The following ME2 variants were observed in gnomAD, a reference collection of about 807,000 sequenced individuals.
ME2 encodes malic enzyme 2, also known as NAD-dependent malic enzyme, mitochondrial.
ME2 carries 60 observed loss-of-function variants against 73.7 expected under a neutral mutation model. That is an observed-to-expected ratio of 0.81 (90% CI 0.66 to 1.01). The LOEUF (loss-of-function observed/expected upper bound fraction) is 1.01. Ranked by LOEUF, ME2 falls within the 50% of genes least tolerant of loss-of-function variation. The pLI is 0.00. For missense variants in ME2, 594 were observed against 705.5 expected (o/e 0.84, Z 1.79); for synonymous variants, 199 against 236.9 (o/e 0.84, Z 1.47).
In ME2 at chr18:50,894,269, A is replaced by C. The variant is rs80151462; in HGVS notation, c.-12-1540A>C. Among the ~76,000 whole-genome samples, 439 of 152,358 alleles carry C rather than the reference A, an allele frequency of 2.9e-3. 3 individuals are homozygous for C. Among genetic ancestry groups the C allele is most frequent in the African/African-American group, 0.01 (417 of 41,584 alleles). ...ATAAATGATCAAGCAACACATTTAAAACATCCCTTTTTGGCCGGGCGCGGT... is the reference window on the plus strand; with the variant it reads ...ATAAATGATCAAGCAACACATTTAACACATCCCTTTTTGGCCGGGCGCGGT... On this transcript the variant is annotated intron_variant, in intron 1 of 15. Coordinates refer to ENST00000321341, the MANE Select transcript of ME2 (RefSeq NM_002396.5).
Position 50,925,767 on chromosome 18 carries a change from G to T in ME2, c.1183G>T (p.Ala395Ser), listed in dbSNP as rs773081066. Reference sequence around the variant, plus strand: ...CTTACTTATTACAGGAGTTGCAGGTGCTGGCCGTCTTTTCACTCCTGATGT... The same window carrying T: ...CTTACTTATTACAGGAGTTGCAGGTTCTGGCCGTCTTTTCACTCCTGATGT... ...KPSTIIGVAG[A>S]GRLFTPDVIR... Residue 395 changes from alanine (A) to serine (S), a missense_variant, in exon 12 of 16, where the codon GCT becomes TCT. Ala to Ser is a moderately conservative substitution (Grantham distance 99). Coordinates refer to ENST00000321341, the MANE Select transcript of ME2 (RefSeq NM_002396.5). 2.5e-6 allele frequency: 4 copies of T among 1,613,854 alleles called. No individual in the cohort carries two copies. Among genetic ancestry groups the T allele is most frequent in the Non-Finnish European group, 3.4e-6 (4 of 1,179,856 alleles).
chr18:50,888,436 A>C (rs546108379), intron 1 of ME2, among the ~76,000 whole-genome samples: 1 of 152,320 alleles, frequency 6.6e-6, no homozygotes, highest in African/African-American at 2.4e-5. Context: ...CATTTATGAA[A>C]CAAAAACAAC....
chr18:50,939,751 G>A lies in ME2; in HGVS notation c.1488+111G>A. 5 of 665,784 alleles carry A rather than the reference G, an allele frequency of 7.5e-6. No individual in the cohort carries two copies. In the South Asian group the frequency reaches 9.3e-5, roughly 12 times the overall value. The allele number at this position is 665,784 out of a possible 1,614,324, so 41.2% of individuals were successfully genotyped here. On this transcript the variant is annotated intron_variant, in intron 14 of 15. Transcript: ENST00000321341. ...GTTAAATCTGCCTTATTAATGAAAA[G>A]GAAGTTACTCAAATTACTTTTATGA...
At position 50,949,084 on chromosome 18, in the gene ME2, C is replaced by G. The variant is rs1401324804; in HGVS notation, c.*1900C>G. On this transcript the variant is annotated 3_prime_UTR_variant, in exon 16 of 16. Transcript: ENST00000321341. ...CAAAATCCTGACTTCAGGTGATCCA[C>G]CCACTTTGGCCTCCCAAAGTGCTGG... The G allele has an allele frequency of 6.6e-6, 1 of 152,024 alleles. No individual in the cohort carries two copies. The highest frequency in any genetic ancestry group is 1.5e-5 in the Non-Finnish European group (1 of 68,034). The allele number at this position is 152,024 out of a possible 1,614,324, so 9.4% of individuals were successfully genotyped here. A position where few individuals can be genotyped will look rare whatever the true frequency, so the allele number is the denominator to read the frequency against.
intron 2 of ME2, among the ~76,000 whole-genome samples, chr18:50,896,762 AGTTAATT>A (rs751960013): frequency 2.0e-5 from 3 of 152,198 alleles, no homozygotes; most frequent in African/African-American, 4.8e-5. Context: ...CAGGGAAAAT[AGTTAATT>A]GTTAATTGTT....
intron 3 of ME2, among the ~76,000 whole-genome samples, chr18:50,908,853 C>T (rs1251762411): frequency 2.6e-5 from 4 of 152,046 alleles, no homozygotes; most frequent in African/African-American, 4.8e-5. Flanking sequence ...GTTGGCCAGG[C>T]TGGTGTCAAA....
At chr18:50,920,619 GT>G in intron 8 of ME2, 41 bp from the exon 9 acceptor site, 1 of 1,576,228 alleles carries the variant, frequency 6.3e-7, no homozygotes, top group South Asian at 1.2e-5. Context: ...CATTTTTAAT[GT>G]GCCCATTTTT....
At position 50,947,032 on chromosome 18, in the gene ME2, T is replaced by C. The variant is rs956591289; in HGVS notation, c.1603T>C (p.Tyr535His). The C allele has an allele frequency of 6.2e-7, 1 of 1,612,934 alleles. No individual in the cohort carries two copies. Among genetic ancestry groups the C allele is most frequent in the Non-Finnish European group, 8.5e-7 (1 of 1,178,918 alleles). ...NIAIKVTEYL[Y>H]ANKMAFRYPE... is the part of the protein sequence containing the mutation. ...TATTTTTCAGGTTACAGAATACCTATATGCTAATAAAATGGCTTTCCGATA... is the reference window on the plus strand; with the variant it reads ...TATTTTTCAGGTTACAGAATACCTACATGCTAATAAAATGGCTTTCCGATA... Residue 535 changes from tyrosine (Y) to histidine (H), a missense_variant, in exon 16 of 16, where the codon TAT (tyrosine) becomes CAT (histidine). Transcript: ENST00000321341.
At chr18:50,942,022 T>C (rs936644422) in intron 15 of ME2, among the ~76,000 whole-genome samples, 7 of 152,228 alleles carry the variant, frequency 4.6e-5, no homozygotes, top group Middle Eastern at 6.8e-3. Flanking sequence ...TTGTTTGACA[T>C]GTCTTTTAAA....
At chr18:50,912,554 A>G (rs942356558) in intron 3 of ME2, among the ~76,000 whole-genome samples, 1 of 152,242 alleles carries the variant, frequency 6.6e-6, no homozygotes. Flanking sequence ...GTTAGGGTTC[A>G]GTAAACATTG....
Position 50,951,135 on chromosome 18 carries a change from AG to A in ME2, c.*3952del, listed in dbSNP as rs1331644368. 1.3e-5 allele frequency: 2 copies of A among 152,242 alleles called. No individual in the cohort carries two copies. The highest frequency in any genetic ancestry group is 4.8e-5 in the African/African-American group (2 of 41,482). The allele number at this position is 152,242 out of a possible 1,614,324, so 9.4% of individuals were successfully genotyped here. A position where few individuals can be genotyped will look rare whatever the true frequency, so the allele number is the denominator to read the frequency against. On this transcript the variant is annotated 3_prime_UTR_variant, in exon 16 of 16. Coordinates refer to ENST00000321341, the MANE Select transcript of ME2 (RefSeq NM_002396.5). Reference sequence around the variant, plus strand: ...TTAGTAACCAATTTTCATTTGTAAAAGATTAGCTATCAAATGGACATTTATT... The same window carrying A: ...TTAGTAACCAATTTTCATTTGTAAAAATTAGCTATCAAATGGACATTTATT...
At chr18:50,916,501 C>G in intron 5 of ME2, 1 of 304,100 alleles carries the variant, frequency 3.3e-6, no homozygotes, top group Non-Finnish European at 6.0e-6. Flanking sequence ...ACTGGTGTCT[C>G]CTGCCTTCTC....
In ME2 at chr18:50,916,188, C is replaced by T. The variant is rs1917279454; in HGVS notation, c.413C>T (p.Ser138Leu). The change falls in exon 5 of 16, where the codon TCA becomes TTA. Residue 138 changes from serine (S) to leucine (L), a missense_variant. Ser to Leu is a moderately radical substitution (Grantham distance 145, BLOSUM62 -2). Transcript: ENST00000321341. ...RRPKGLFISISDRGHVRSIVD... is the reference protein window; with the variant it reads ...RRPKGLFISILDRGHVRSIVD... Reference sequence around the variant, plus strand: ...TGCAGGGGATTATTTATTTCGATCTCAGACAGAGGTCATGTTAGATCAATT... The same window carrying T: ...TGCAGGGGATTATTTATTTCGATCTTAGACAGAGGTCATGTTAGATCAATT... The T allele has an allele frequency of 1.2e-6, 2 of 1,611,046 alleles. No individual in the cohort carries two copies. Among genetic ancestry groups the T allele is most frequent in the Non-Finnish European group, 1.7e-6 (2 of 1,178,600 alleles).
chr18:50,928,081 G>A lies in ME2; in HGVS notation c.1314+2183G>A, dbSNP rs147444984. ...TGATCCCCTGCCTCAGCCTCCCAAA[G>A]TGCTGGGATTACAGACATGAGCCAC... On this transcript the variant is annotated intron_variant, in intron 12 of 15. Coordinates refer to ENST00000321341, the MANE Select transcript of ME2 (RefSeq NM_002396.5). Among the ~76,000 whole-genome samples the A allele has an allele frequency of 3.6e-4, 55 of 151,574 alleles. 1 individual carries two copies. The East Asian group carries it at 0.011, about 29-fold the overall frequency.
At chr18:50,890,003 A>G (rs1916567287) in intron 1 of ME2, among the ~76,000 whole-genome samples, 1 of 152,208 alleles carries the variant, frequency 6.6e-6, no homozygotes, top group Non-Finnish European at 1.5e-5. Flanking sequence ...ATCAAAGGTC[A>G]CTGTGATGAA....
At chr18:50,931,661 ATTTC>A (rs1917692629) in intron 12 of ME2, among the ~76,000 whole-genome samples, 1 of 150,824 alleles carries the variant, frequency 6.6e-6, no homozygotes, top group South Asian at 2.1e-4. Flanking sequence ...TACATTTTAA[ATTTC>A]TTTTTTTTTT....
At chr18:50,916,586 A>T (rs1917291250) in intron 5 of ME2, 1 of 168,886 alleles carries the variant, frequency 5.9e-6, no homozygotes, top group African/African-American at 2.4e-5. Context: ...ACTTTTGTTT[A>T]TGAATGGTGT....
intron 1 of ME2, among the ~76,000 whole-genome samples, chr18:50,895,078 T>C (rs1916704982): frequency 6.6e-6 from 1 of 152,088 alleles, no homozygotes. Flanking sequence ...TGATTTGTAA[T>C]GTTTAAAGAA....
intron 13 of ME2, among the ~76,000 whole-genome samples, chr18:50,938,283 C>G (rs1408202222): frequency 6.6e-6 from 1 of 152,136 alleles, no homozygotes; most frequent in Non-Finnish European, 1.5e-5. Flanking sequence ...GAGCTTGTGC[C>G]ACTGTACTCC....
Sources: gnomAD v4.1 joint callset for allele counts (sites outside exome capture counted in the v4.1 genomes callset) on GRCh38, gnomAD v4.1.1 for gene constraint, MANE v1.5 for transcripts, NCBI Gene and HGNC (gene_info 2026-07-23, HGNC 2026-07-21) for gene names.